The following MEIOB variants were observed in gnomAD, a reference collection of about 807,000 sequenced individuals.
MEIOB encodes meiosis specific with OB-fold, also known as meiosis-specific with OB domain-containing protein.
In MEIOB, 50 loss-of-function variants were observed where a neutral mutation model predicts 53.1. That is an observed-to-expected ratio of 0.94 (90% CI 0.75 to 1.19). MEIOB has a LOEUF of 1.19. MEIOB is among the 50% of genes most tolerant of loss of function. The pLI is 0.00. For missense variants in MEIOB, 551 were observed against 550.8 expected, an observed-to-expected ratio of 1.00 and a Z score of 0.00; for synonymous variants, 192 against 182.5, an observed-to-expected ratio of 1.05 and a Z score of -0.42.
intron 4 of MEIOB, among the ~76,000 whole-genome samples, chr16:1,861,045 A>G (rs1168855602): frequency 6.6e-6 from 1 of 152,172 alleles, no homozygotes; most frequent in Non-Finnish European, 1.5e-5. Flanking sequence ...TACTAGGTAC[A>G]CCATCTCATT....
At chr16:1,858,767 T>C (rs1052714222) in intron 5 of MEIOB, among the ~76,000 whole-genome samples, 8 of 152,228 alleles carry the variant, frequency 5.3e-5, no homozygotes, top group Admixed American at 2.6e-4. Flanking sequence ...TATTACATTA[T>C]GAAATTGGTA....
At position 1,837,775 on chromosome 16, in the gene MEIOB, T is replaced by G; in HGVS notation, c.1305+9A>C. ...TATAGAATAATATGGGACTATAAAA[T>G]GCACTAACTTTTAAATAAATTTTGC... On this transcript the variant is annotated intron_variant, in intron 13 of 13. Coordinates refer to ENST00000325962, the MANE Select transcript of MEIOB (RefSeq NM_001163560.3). 1 of 1,387,936 alleles carries G rather than the reference T, an allele frequency of 7.2e-7. No individual in the cohort carries two copies. The highest frequency in any genetic ancestry group is 1.5e-5 in the African/African-American group (1 of 68,624). The allele number at this position is 1,387,936 out of a possible 1,614,324, so 86.0% of individuals were successfully genotyped here.
intron 1 of MEIOB, among the ~76,000 whole-genome samples, chr16:1,871,559 C>G (rs1356214332): frequency 2.7e-5 from 3 of 109,938 alleles, no homozygotes; most frequent in Non-Finnish European, 5.1e-5. Context: ...GAGTCTTGCT[C>G]TGTTGCCCAG....
intron 9 of MEIOB, among the ~76,000 whole-genome samples, chr16:1,849,955 A>G (rs1320028140): frequency 2.0e-5 from 3 of 152,264 alleles, no homozygotes; most frequent in Admixed American, 6.5e-5. Context: ...CATAGTGTAT[A>G]AAATGTATTC....
intron 9 of MEIOB, among the ~76,000 whole-genome samples, chr16:1,849,752 A>G (rs906256413): frequency 1.6e-4 from 25 of 152,196 alleles, no homozygotes; most frequent in African/African-American, 6.0e-4. Context: ...CCTTGACAGA[A>G]TAAATCCAAG....
chr16:1,860,743 A>G (rs1899421303), intron 4 of MEIOB, among the ~76,000 whole-genome samples: 1 of 152,170 alleles, frequency 6.6e-6, no homozygotes, highest in Non-Finnish European at 1.5e-5. Flanking sequence ...AAGTTTGTGA[A>G]GCTTTCTGCC....
chr16:1,862,836 T>G (rs1035603145), intron 3 of MEIOB, among the ~76,000 whole-genome samples: 1 of 151,960 alleles, frequency 6.6e-6, no homozygotes, highest in African/African-American at 2.4e-5. Flanking sequence ...GAGAATCGCT[T>G]GAACCCAGGA....
chr16:1,861,441 T>C (rs903211772), intron 4 of MEIOB, among the ~76,000 whole-genome samples: 2 of 152,012 alleles, frequency 1.3e-5, no homozygotes, highest in African/African-American at 4.8e-5. Context: ...AATTGAAATA[T>C]GTAATAAACC....
intron 12 of MEIOB, among the ~76,000 whole-genome samples, chr16:1,838,367 C>T (rs541613410): frequency 1.3e-5 from 2 of 152,182 alleles, no homozygotes; most frequent in South Asian, 4.1e-4. Context: ...CAAAGGTAAT[C>T]AGGTATCTCA....
chr16:1,860,501 A>T (rs1237692269), intron 4 of MEIOB, 26 bp from the exon 5 acceptor site: 1 of 1,326,662 alleles, frequency 7.5e-7, no homozygotes, highest in Admixed American at 2.0e-5. Context: ...AAGTATGATG[A>T]TATTACAAAA....
At chr16:1,868,736 G>A (rs4451946) in intron 1 of MEIOB, among the ~76,000 whole-genome samples, 1 of 150,742 alleles carries the variant, frequency 6.6e-6, no homozygotes, top group African/African-American at 2.4e-5. Context: ...GCACCTGTAG[G>A]CCCAGCTACT....
intron 1 of MEIOB, among the ~76,000 whole-genome samples, chr16:1,870,326 T>C (rs535975774): frequency 6.6e-6 from 1 of 152,310 alleles, no homozygotes; most frequent in African/African-American, 2.4e-5. Flanking sequence ...ATCATCACTC[T>C]AAAAGGTTCT....
rs564504839 is a variant in MEIOB, at chr16:1,838,655, T to C, written c.1218+600A>G. Reference sequence around the variant, plus strand: ...GACTTGTTGTTTTACCCATCGTTACTTGACTATATCAAACATCATGTTTCC... The same window carrying C: ...GACTTGTTGTTTTACCCATCGTTACCTGACTATATCAAACATCATGTTTCC... On this transcript the variant is annotated intron_variant, in intron 12 of 13. Transcript: ENST00000325962. Among the ~76,000 whole-genome samples the C allele has an allele frequency of 5.9e-5, 9 of 152,260 alleles. No individual in the cohort carries two copies. In the South Asian group the frequency reaches 1.9e-3, roughly 32 times the overall value.
At chr16:1,871,434 T>G (rs1596990184) in intron 1 of MEIOB, among the ~76,000 whole-genome samples, 1 of 128,580 alleles carries the variant, frequency 7.8e-6, no homozygotes, top group East Asian at 2.2e-4. Flanking sequence ...TTAGCCAGGA[T>G]GGTCTCGATC....
At chr16:1,867,406 G>C (rs1161992751) in intron 2 of MEIOB, among the ~76,000 whole-genome samples, 1 of 149,250 alleles carries the variant, frequency 6.7e-6, no homozygotes, top group Non-Finnish European at 1.5e-5. Context: ...CAAGTACTTA[G>C]ACCATAAATT....
chr16:1,856,742 G>C lies in MEIOB; in HGVS notation c.528+993C>G, dbSNP rs977789487. On this transcript the variant is annotated intron_variant, in intron 6 of 13. Coordinates refer to ENST00000325962, the MANE Select transcript of MEIOB (RefSeq NM_001163560.3). The stretch of plus-strand genomic sequence containing the variant: ...CCCAAAGTGCTAGGATTACAGGCAT[G>C]AGCCACCACGCCAGGCCTTTTTTTT... Among the ~76,000 whole-genome samples the C allele has an allele frequency of 2.8e-5, 4 of 144,696 alleles. No homozygotes were observed. In the East Asian group the frequency reaches 8.5e-4, roughly 31 times the overall value. The allele number at this position is 144,696 out of a possible 152,430, so 94.9% of individuals were successfully genotyped here.
chr16:1,842,539 C>A (rs1276045134), intron 10 of MEIOB, among the ~76,000 whole-genome samples: 4 of 140,194 alleles, frequency 2.9e-5, no homozygotes, highest in African/African-American at 1.1e-4. Context: ...AGGAGAATCG[C>A]TTGAATCCAG....
intron 2 of MEIOB, among the ~76,000 whole-genome samples, chr16:1,867,600 G>A (rs534756821): frequency 1.3e-5 from 2 of 150,582 alleles, no homozygotes; most frequent in African/African-American, 2.4e-5. Flanking sequence ...AGCCTCCTGA[G>A]TACCTGGGAT....
intron 9 of MEIOB, among the ~76,000 whole-genome samples, chr16:1,847,411 G>C (rs1217075479): frequency 6.6e-6 from 1 of 151,800 alleles, no homozygotes; most frequent in Non-Finnish European, 1.5e-5. Context: ...GCAGTGAGCT[G>C]AGCACATGCC....
Sources: gnomAD v4.1 joint callset for allele counts (sites outside exome capture counted in the v4.1 genomes callset) on GRCh38, gnomAD v4.1.1 for gene constraint, MANE v1.5 for transcripts, NCBI Gene and HGNC (gene_info 2026-07-23, HGNC 2026-07-21) for gene names.